The following NBAS variants were observed in gnomAD, a reference collection of about 807,000 sequenced individuals.
NBAS encodes NAG/BC035112 fusion.
Under a neutral mutation model 302.5 loss-of-function variants are expected in NBAS, and 219 were observed. That is an observed-to-expected ratio of 0.72 (90% CI 0.65 to 0.81). The LOEUF (loss-of-function observed/expected upper bound fraction) is 0.81. Ranked by LOEUF, NBAS falls within the 30% of genes least tolerant of loss-of-function variation. The pLI, the probability that NBAS is intolerant of heterozygous loss-of-function variation, is 0.00. For synonymous variants in NBAS, 1,118 were observed against 1,021.6 expected (o/e 1.09, Z -1.80); for missense variants, 2,932 against 2,841.6 (o/e 1.03, Z -0.72).
At chr2:15,210,132 C>T (rs1056469386) in intron 48 of NBAS, among the ~76,000 whole-genome samples, 1 of 151,992 alleles carries the variant, frequency 6.6e-6, no homozygotes, top group Non-Finnish European at 1.5e-5. Flanking sequence ...AATGGAATCA[C>T]ATCAAGTTAA....
At chr2:15,182,214 T>G (rs563170446) in intron 50 of NBAS, among the ~76,000 whole-genome samples, 1 of 152,234 alleles carries the variant, frequency 6.6e-6, no homozygotes, top group Admixed American at 6.5e-5. Flanking sequence ...GCCGTGCCTC[T>G]TGGACTGTGA....
At chr2:15,119,140 T>G in the NBAS span, among the ~76,000 whole-genome samples, 1 of 152,122 alleles carries the variant, frequency 6.6e-6, no homozygotes, top group Non-Finnish European at 1.5e-5. Context: ...AATTCCTCTG[T>G]GTCTCTAGGC....
intron 35 of NBAS, among the ~76,000 whole-genome samples, chr2:15,338,429 T>C (rs1445344962): frequency 6.6e-6 from 1 of 152,158 alleles, no homozygotes; most frequent in Non-Finnish European, 1.5e-5. Context: ...CAATCCTTAT[T>C]ACTGGTTATA....
chr2:15,461,236 A>G lies in NBAS; in HGVS notation c.2304T>C (p.Ser768=). Residue 768 remains serine, a synonymous_variant, in exon 21 of 52, where the codon TCT becomes TCC. Coordinates refer to ENST00000281513, the MANE Select transcript of NBAS (RefSeq NM_015909.4). ...GCAGCAAAACAGAATATTCATGTGG[A>G]GAAGTGGTCTCTGGAAAGTTGGACA... is the stretch of plus-strand genomic sequence containing the variant. ...AILSNFPETT[S]PHEYSVLLPE... is the part of the protein sequence containing the mutation. 6.2e-7 allele frequency: 1 copy of G among 1,613,952 alleles called. No individual in the cohort carries two copies. The highest frequency in any genetic ancestry group is 8.5e-7 in the Non-Finnish European group (1 of 1,179,874).
rs548032374 is a variant in NBAS at position 15,466,572 on chromosome 2, T to C, written c.2097+757A>G. Among the ~76,000 whole-genome samples the C allele has an allele frequency of 2.0e-5, 3 of 152,284 alleles. No individual in the cohort carries two copies. In the South Asian group the frequency reaches 6.2e-4, roughly 32 times the overall value. ...ACCCAAATGTGAAGTATACTGTTTT[T>C]AAGCTCAAATAATCTAACTTCAGCC... On this transcript the variant is annotated intron_variant, in intron 19 of 51. Transcript: ENST00000281513.
chr2:15,533,629 C>T (rs911909973), intron 9 of NBAS, among the ~76,000 whole-genome samples: 3 of 151,080 alleles, frequency 2.0e-5, no homozygotes, highest in African/African-American at 4.9e-5. Flanking sequence ...ATCTCTAGAA[C>T]GGAGACGATG....
the NBAS span, among the ~76,000 whole-genome samples, chr2:14,783,543 T>G: frequency 1.4e-5 from 2 of 146,686 alleles, no homozygotes; most frequent in African/African-American, 5.0e-5. Flanking sequence ...ATTGTTCAAT[T>G]CCCACCTATG....
intron 44 of NBAS, among the ~76,000 whole-genome samples, chr2:15,261,207 C>T (rs1038374809): frequency 5.3e-5 from 8 of 152,322 alleles, no homozygotes; most frequent in Middle Eastern, 3.4e-3. Context: ...ATGCCAAATG[C>T]TGTGTGTGCT....
At chr2:15,064,345 T>G in the NBAS span, among the ~76,000 whole-genome samples, 4 of 143,896 alleles carry the variant, frequency 2.8e-5, no homozygotes, top group African/African-American at 7.8e-5. Context: ...ACATTACAAC[T>G]AATACAACTA....
chr2:14,832,259 G>A, the NBAS span, among the ~76,000 whole-genome samples: 1 of 152,164 alleles, frequency 6.6e-6, no homozygotes, highest in South Asian at 2.1e-4. Context: ...CAAAAGGACA[G>A]ACCCCTATGT....
At chr2:14,809,522 A>T in the NBAS span, among the ~76,000 whole-genome samples, 1 of 152,180 alleles carries the variant, frequency 6.6e-6, no homozygotes, top group Non-Finnish European at 1.5e-5. Flanking sequence ...TCAAGAATTG[A>T]GGTTTGGCAA....
At chr2:15,289,000 T>C (rs1256850923) in intron 41 of NBAS, among the ~76,000 whole-genome samples, 3 of 152,258 alleles carry the variant, frequency 2.0e-5, no homozygotes, top group Non-Finnish European at 4.4e-5. Flanking sequence ...GTTCATGGGC[T>C]ATAAAAGAGA....
chr2:15,298,260 T>C (rs1044796812), intron 40 of NBAS, among the ~76,000 whole-genome samples: 43 of 152,316 alleles, frequency 2.8e-4, no homozygotes, highest in Middle Eastern at 3.4e-3. Context: ...TACAAGTTTA[T>C]AGCTCATCAA....
the NBAS span, among the ~76,000 whole-genome samples, chr2:14,923,259 T>C: frequency 2.0e-5 from 3 of 152,206 alleles, no homozygotes; most frequent in South Asian, 2.1e-4. Flanking sequence ...AAGCTCTTCT[T>C]TGGCTGTTGA....
At chr2:15,232,755 A>G (rs145028924) in intron 46 of NBAS, among the ~76,000 whole-genome samples, 1,991 of 152,286 alleles carry the variant, frequency 0.013, 17 homozygotes, top group Non-Finnish European at 0.019. Context: ...AGAATAACAC[A>G]TTCTACTTGC....
chr2:14,799,186 A>G, the NBAS span, among the ~76,000 whole-genome samples: 1 of 152,014 alleles, frequency 6.6e-6, no homozygotes, highest in South Asian at 2.1e-4. Context: ...ATAGGCATTT[A>G]CTGTCATAAA....
At position 15,374,630 on chromosome 2, in the gene NBAS, C is replaced by G; in HGVS notation, c.3681G>C (p.Gly1227=). The G allele has an allele frequency of 6.2e-7, 1 of 1,613,752 alleles. No homozygotes were observed. The highest frequency in any genetic ancestry group is 1.3e-5 in the African/African-American group (1 of 74,972). The change falls in exon 31 of 52, where the codon GGG becomes GGC. Residue 1227 remains glycine (G), a synonymous_variant. Coordinates refer to ENST00000281513, the MANE Select transcript of NBAS (RefSeq NM_015909.4). ...IQAVGCLEEF[G]VKILPLQVRL... ...CACCTTGCAAAGGCAGGATCTTTAC[C>G]CCAAATTCTTCAAGACATCCAACGG...
the NBAS span, among the ~76,000 whole-genome samples, chr2:15,116,802 G>T: frequency 6.6e-6 from 1 of 152,228 alleles, no homozygotes; most frequent in African/African-American, 2.4e-5. Flanking sequence ...TTTAAAAGAT[G>T]CAATTAAAAC....
chr2:14,843,293 A>G, the NBAS span, among the ~76,000 whole-genome samples: 2 of 152,174 alleles, frequency 1.3e-5, no homozygotes, highest in Non-Finnish European at 2.9e-5. Flanking sequence ...CTTTTATTCT[A>G]TATAATACTG....
Sources: gnomAD v4.1 joint callset for allele counts (sites outside exome capture counted in the v4.1 genomes callset) on GRCh38, gnomAD v4.1.1 for gene constraint, MANE v1.5 for transcripts, NCBI Gene and HGNC (gene_info 2026-07-23, HGNC 2026-07-21) for gene names.